Variants in STAP1 observed in about 807,000 individuals in gnomAD.
STAP1 encodes signal-transducing adaptor protein 1.
In STAP1, 30 loss-of-function variants were observed where a neutral mutation model predicts 37.8. The observed-to-expected ratio is 0.79, with a 90% CI of 0.59 to 1.08. STAP1 has a LOEUF of 1.08. Among genes scored for constraint, STAP1 ranks in the 50% least tolerant of loss-of-function variants. The pLI is 0.00. For synonymous variants in STAP1, 130 were observed against 116.0 expected (o/e 1.12, Z -0.78); for missense variants, 357 against 349.4 (o/e 1.02, Z -0.17).
At chr4:67,565,009 C>A (rs919356623) in intron 1 of STAP1, among the ~76,000 whole-genome samples, 1 of 152,226 alleles carries the variant, frequency 6.6e-6, no homozygotes, top group Non-Finnish European at 1.5e-5. Flanking sequence ...CTGTTCCTCA[C>A]CTGCTTCCCA....
At chr4:67,584,301 G>A (rs1485624999) in intron 6 of STAP1, among the ~76,000 whole-genome samples, 1 of 152,082 alleles carries the variant, frequency 6.6e-6, no homozygotes, top group East Asian at 1.9e-4. Flanking sequence ...AATACTCTAG[G>A]CACTGAGAAT....
rs57065749 is a variant in STAP1, at chr4:67,590,125, C to T, written c.660-759C>T. Among the ~76,000 whole-genome samples, 578 of 152,250 alleles carry T rather than the reference C, an allele frequency of 3.8e-3. 4 individuals carry two copies. Among genetic ancestry groups the T allele is most frequent in the African/African-American group, 0.013 (558 of 41,550 alleles). ...CATCCAGCTCCTAATATTTTAAAAA[C>T]TCAACTTTATAAATATTTATTCTGT... On this transcript the variant is annotated intron_variant, in intron 6 of 8. Coordinates refer to ENST00000265404, the MANE Select transcript of STAP1 (RefSeq NM_012108.4).
intron 1 of STAP1, among the ~76,000 whole-genome samples, chr4:67,569,033 G>T (rs183139176): frequency 2.0e-4 from 31 of 152,276 alleles, no homozygotes; most frequent in East Asian, 7.7e-4. Context: ...TTTCATCATT[G>T]TGTGAACATC....
intron 2 of STAP1, among the ~76,000 whole-genome samples, chr4:67,573,945 T>C (rs1369692142): frequency 1.3e-5 from 2 of 152,150 alleles, no homozygotes; most frequent in Non-Finnish European, 1.5e-5. Context: ...CAGGTAGTTC[T>C]TTCTACTACT....
chr4:67,569,584 CT>C (rs1422389676), intron 1 of STAP1, among the ~76,000 whole-genome samples: 2 of 151,854 alleles, frequency 1.3e-5, no homozygotes, highest in African/African-American at 4.8e-5. Context: ...ATTCTATAAG[CT>C]TTTTCTATTT....
intron 1 of STAP1, among the ~76,000 whole-genome samples, chr4:67,565,087 G>C (rs1727436716): frequency 6.6e-6 from 1 of 152,032 alleles, no homozygotes; most frequent in African/African-American, 2.4e-5. Flanking sequence ...ATGCAGGGTG[G>C]GGAAGCCTTA....
At chr4:67,563,359 C>G (rs1727394621) in intron 1 of STAP1, among the ~76,000 whole-genome samples, 2 of 152,316 alleles carry the variant, frequency 1.3e-5, no homozygotes, top group Middle Eastern at 3.4e-3. Context: ...TGTTCTGTCA[C>G]TGTGATCCTT....
At chr4:67,575,312 AT>A in intron 2 of STAP1, 72 bp from the exon 3 acceptor site, 3 of 961,886 alleles carry the variant, frequency 3.1e-6, no homozygotes, top group Middle Eastern at 4.3e-4. Flanking sequence ...GATATTACTT[AT>A]TTTGCTTCCT....
At chr4:67,596,365 T>C (rs1728223034) in intron 8 of STAP1, among the ~76,000 whole-genome samples, 1 of 152,194 alleles carries the variant, frequency 6.6e-6, no homozygotes, top group African/African-American at 2.4e-5. Flanking sequence ...CTTTGATAAA[T>C]TACCTAGTCT....
chr4:67,574,740 C>A (rs972488622), intron 2 of STAP1, among the ~76,000 whole-genome samples: 4 of 152,010 alleles, frequency 2.6e-5, no homozygotes, highest in Admixed American at 2.6e-4. Context: ...AAGAAAAAAA[C>A]AAAAACGAAG....
chr4:67,569,261 C>G (rs1727544763), intron 1 of STAP1, among the ~76,000 whole-genome samples: 1 of 151,958 alleles, frequency 6.6e-6, no homozygotes, highest in Non-Finnish European at 1.5e-5. Flanking sequence ...AATGGTATAC[C>G]TGTATAGGGC....
chr4:67,605,359 C>A (rs1728428433), intron 8 of STAP1, among the ~76,000 whole-genome samples: 1 of 128,924 alleles, frequency 7.8e-6, no homozygotes, highest in Non-Finnish European at 1.6e-5. Context: ...ACCCTCAGGG[C>A]AGGGCCAGGG....
intron 1 of STAP1, among the ~76,000 whole-genome samples, chr4:67,567,174 G>C (rs186772726): frequency 6.6e-6 from 1 of 152,252 alleles, no homozygotes; most frequent in East Asian, 1.9e-4. Context: ...GACGTATCAG[G>C]TATATATTGG....
chr4:67,587,845 C>T (rs1455700285), intron 6 of STAP1, among the ~76,000 whole-genome samples: 10 of 151,034 alleles, frequency 6.6e-5, no homozygotes, highest in Non-Finnish European at 1.0e-4. Flanking sequence ...CTCAGCCTCC[C>T]GAGTAGCTGG....
At chr4:67,588,353 C>CGATGATGATGATGAT (rs35620968) in intron 6 of STAP1, among the ~76,000 whole-genome samples, 1 of 150,924 alleles carries the variant, frequency 6.6e-6, no homozygotes, top group Admixed American at 6.6e-5. Context: ...ACGACGACGA[C>CGATGATGATGATGAT]GATGATGATG....
Position 67,590,934 on chromosome 4 carries a change from C to G in STAP1, c.710C>G (p.Thr237Ser), listed in dbSNP as rs1728107284. The change falls in exon 7 of 9, where the codon ACT becomes AGT. Residue 237 changes from threonine to serine, a missense_variant. Physicochemically the swap from Thr to Ser is moderately conservative, Grantham distance 58 (BLOSUM62 1). Coordinates refer to ENST00000265404, the MANE Select transcript of STAP1 (RefSeq NM_012108.4). ...YKVMSVGQNY[T>S]IELEKPVTLP... ...GTGATGAGCGTAGGACAAAACTACA[C>G]TATTGAACTGGAAAAACCTGTAAGT... 3 of 1,611,908 alleles carry G rather than the reference C, an allele frequency of 1.9e-6. No homozygotes were observed. Among genetic ancestry groups the G allele is most frequent in the Non-Finnish European group, 2.5e-6 (3 of 1,178,998 alleles).
At chr4:67,572,767 C>A (rs1727634041) in intron 2 of STAP1, among the ~76,000 whole-genome samples, 1 of 152,220 alleles carries the variant, frequency 6.6e-6, no homozygotes, top group African/African-American at 2.4e-5. Flanking sequence ...AGGCATTTTA[C>A]ATGCATTGCC....
intron 1 of STAP1, among the ~76,000 whole-genome samples, chr4:67,569,168 T>C (rs182675532): frequency 5.3e-5 from 8 of 152,316 alleles, no homozygotes; most frequent in African/African-American, 1.4e-4. Context: ...CTGTAGGCAA[T>C]TGTAACACAA....
chr4:67,573,037 G>C (rs1268170610), intron 2 of STAP1, among the ~76,000 whole-genome samples: 1 of 152,192 alleles, frequency 6.6e-6, no homozygotes, highest in Non-Finnish European at 1.5e-5. Context: ...TAAAGTGATA[G>C]TCTCAGAAGA....
Sources: gnomAD v4.1 joint callset for allele counts (sites outside exome capture counted in the v4.1 genomes callset) on GRCh38, gnomAD v4.1.1 for gene constraint, MANE v1.5 for transcripts, NCBI Gene and HGNC (gene_info 2026-07-23, HGNC 2026-07-21) for gene names.